SEC14L1: variants seen among roughly 807,000 people sequenced by gnomAD.
The protein encoded by SEC14L1 is SEC14-like protein 1.
A neutral mutation model predicts 85.3 loss-of-function variants in SEC14L1; 48 were observed. The observed-to-expected ratio is 0.56, with a 90% CI of 0.45 to 0.72. The LOEUF (loss-of-function observed/expected upper bound fraction) is 0.72. Among genes scored for constraint, SEC14L1 ranks in the 30% least tolerant of loss-of-function variants. The pLI is 0.00. For missense variants in SEC14L1, 682 were observed against 921.4 expected, an observed-to-expected ratio of 0.74 and a Z score of 3.36; for synonymous variants, 391 against 355.5, an observed-to-expected ratio of 1.10 and a Z score of -1.12.
intron 3 of SEC14L1, among the ~76,000 whole-genome samples, chr17:77,179,965 C>G (rs2143733385): frequency 6.6e-6 from 1 of 152,160 alleles, no homozygotes; most frequent in East Asian, 1.9e-4. Flanking sequence ...GCATGAGCCG[C>G]CGCGCCTGGC....
At chr17:77,148,778 C>T (rs1474546913) in intron 3 of SEC14L1, among the ~76,000 whole-genome samples, 1 of 152,228 alleles carries the variant, frequency 6.6e-6, no homozygotes, top group African/African-American at 2.4e-5. Flanking sequence ...GCTCCCCTGC[C>T]ACACACTTTC....
At chr17:77,120,482 CT>C (rs111513781) in intron 3 of SEC14L1, among the ~76,000 whole-genome samples, 2,293 of 142,850 alleles carry the variant, frequency 0.016, 34 homozygotes, top group Admixed American at 0.049. Context: ...TCTCCACATT[CT>C]TTTTTTTTTT....
upstream of SEC14L1, among the ~76,000 whole-genome samples, chr17:77,138,232 G>C (rs1482136336): frequency 6.6e-6 from 1 of 152,150 alleles, no homozygotes; most frequent in Admixed American, 6.5e-5. Flanking sequence ...GGGAGGGTCA[G>C]AATCTTGTAG....
At chr17:77,194,995 C>A in intron 7 of SEC14L1, 84 bp downstream of exon 7, 1 of 983,024 alleles carries the variant, frequency 1.0e-6, no homozygotes, top group Non-Finnish European at 1.6e-6. Flanking sequence ...CTGCCTGTTC[C>A]CGCTTCCTTG....
chr17:77,196,063 T>C, intron 7 of SEC14L1, 139 bp from the exon 8 acceptor site: 1 of 632,958 alleles, frequency 1.6e-6, no homozygotes. Context: ...CTAAGGAATC[T>C]GGTTTACATC....
chr17:77,136,943 C>T (rs1972817575), upstream of SEC14L1, among the ~76,000 whole-genome samples: 1 of 147,438 alleles, frequency 6.8e-6, no homozygotes. Flanking sequence ...GAGTTTCGCT[C>T]TTGTTGCCCA....
upstream of SEC14L1, among the ~76,000 whole-genome samples, chr17:77,140,177 AT>A (rs1972934206): frequency 6.6e-6 from 1 of 152,222 alleles, no homozygotes; most frequent in Non-Finnish European, 1.5e-5. Flanking sequence ...CGGATTGAAA[AT>A]TGGGGCTGGA....
At chr17:77,146,757 A>G (rs1047506495) in intron 3 of SEC14L1, among the ~76,000 whole-genome samples, 1 of 152,182 alleles carries the variant, frequency 6.6e-6, no homozygotes, top group Non-Finnish European at 1.5e-5. Context: ...TCCACCCTGT[A>G]GTATAAAGAA....
At position 77,196,186 on chromosome 17, in the gene SEC14L1, G is replaced by A. The variant is rs755104451; in HGVS notation, c.710-16G>A. ...CCAGTGTTCTTTGTTGTAAATAAATGTCACTTACATTCCAGACAAACTAGA... is the reference window on the plus strand; with the variant it reads ...CCAGTGTTCTTTGTTGTAAATAAATATCACTTACATTCCAGACAAACTAGA... On this transcript the variant is annotated splice_polypyrimidine_tract_variant and intron_variant, in intron 7 of 16. Transcript: ENST00000436233. 1.9e-6 allele frequency: 3 copies of A among 1,585,386 alleles called. No homozygotes were observed. The African/African-American group carries it at 4.0e-5, about 21-fold the overall frequency.
Position 77,206,108 on chromosome 17 carries a change from T to TA in SEC14L1, c.1170-114dup, listed in dbSNP as rs1229969618. 4 of 971,716 alleles carry TA rather than the reference T, an allele frequency of 4.1e-6. No homozygotes were observed. The highest frequency in any genetic ancestry group is 1.7e-5 in the South Asian group (1 of 58,826). The allele number at this position is 971,716 out of a possible 1,614,324, so 60.2% of individuals were successfully genotyped here. ...TAGCACTATACATAGCACTATAATTTAAAAAAATTGATTATGATGTATTTG... is the reference window on the plus strand; with the variant it reads ...TAGCACTATACATAGCACTATAATTTAAAAAAAATTGATTATGATGTATTTG... On this transcript the variant is annotated intron_variant, in intron 11 of 16. Transcript: ENST00000436233. This position sits in a 1 kb window ranked among gnomAD's most constrained non-coding sequence, Gnocchi z 4.3.
intron 3 of SEC14L1, among the ~76,000 whole-genome samples, chr17:77,100,038 C>T (rs1205646793): frequency 1.3e-5 from 2 of 152,242 alleles, no homozygotes; most frequent in African/African-American, 2.4e-5. Flanking sequence ...TAACACTAGG[C>T]TAAGCTTCCC....
chr17:77,091,964 A>G (rs1478059435), intron 2 of SEC14L1, among the ~76,000 whole-genome samples: 1 of 152,136 alleles, frequency 6.6e-6, no homozygotes, highest in Non-Finnish European at 1.5e-5. Context: ...GGCACATGCC[A>G]TCACACCCGG....
intron 2 of SEC14L1, among the ~76,000 whole-genome samples, chr17:77,090,797 C>T (rs1971494500): frequency 6.6e-6 from 1 of 152,018 alleles, no homozygotes; most frequent in Non-Finnish European, 1.5e-5. Context: ...CAAGATCAGC[C>T]TGGGTAACAC....
At chr17:77,185,133 T>C in intron 3 of SEC14L1, 1 of 809,898 alleles carries the variant, frequency 1.2e-6, no homozygotes, top group Non-Finnish European at 1.5e-6. Flanking sequence ...TCAAAACATG[T>C]TTTTTGGACA....
chr17:77,090,028 A>G (rs999826555), intron 2 of SEC14L1: 1 of 150,844 alleles, frequency 6.6e-6, no homozygotes, highest in African/African-American at 2.5e-5. Context: ...CGAGAAAAAA[A>G]AAAAAAAGTC....
chr17:77,141,827 C>T (rs980870613), intron 1 of SEC14L1: 1 of 152,316 alleles, frequency 6.6e-6, no homozygotes, highest in East Asian at 1.9e-4. Context: ...TTGTTTGTAC[C>T]CGGTTATCGT....
At chr17:77,092,702 A>G (rs969563182) in intron 2 of SEC14L1, among the ~76,000 whole-genome samples, 1 of 152,004 alleles carries the variant, frequency 6.6e-6, no homozygotes, top group Non-Finnish European at 1.5e-5. Flanking sequence ...TAATCCCAGC[A>G]CTTTGGGAGG....
intron 5 of SEC14L1, among the ~76,000 whole-genome samples, chr17:77,191,598 A>G (rs1318253961): frequency 6.6e-6 from 1 of 151,766 alleles, no homozygotes; most frequent in East Asian, 1.9e-4. Context: ...GCCGGAGTGC[A>G]GTGGTGCAAT....
chr17:77,187,303 C>T (rs1975310223), intron 3 of SEC14L1, among the ~76,000 whole-genome samples: 1 of 152,088 alleles, frequency 6.6e-6, no homozygotes, highest in Non-Finnish European at 1.5e-5. Flanking sequence ...TGGGGCCGAC[C>T]ACAGGGGCAG....
Sources: allele counts gnomAD v4.1 joint callset (sites outside exome capture counted in the v4.1 genomes callset), GRCh38; gene constraint gnomAD v4.1.1; non-coding constraint Gnocchi (gnomAD v3.1); transcripts MANE v1.5; gene names NCBI Gene and HGNC (gene_info 2026-07-23, HGNC 2026-07-21).